The following RFESD variants were observed in gnomAD, a reference collection of about 807,000 sequenced individuals.
RFESD encodes the protein Rieske domain-containing protein.
A neutral mutation model predicts 24.4 loss-of-function variants in RFESD; 16 were observed. That is an observed-to-expected ratio of 0.66 (90% CI 0.44 to 1.00). RFESD has a LOEUF of 1.00. Ranked by LOEUF, RFESD falls within the 50% of genes least tolerant of loss-of-function variation. The pLI is 0.00. For missense variants in RFESD, 208 were observed against 247.0 expected (o/e 0.84, Z 1.06); for synonymous variants, 59 against 81.8 (o/e 0.72, Z 1.50).
At chr5:95,647,047 G>A (rs533018685) in intron 1 of RFESD, 6 of 152,450 alleles carry the variant, frequency 3.9e-5, no homozygotes, top group South Asian at 4.1e-4. Flanking sequence ...CCACACCTGA[G>A]ACCTGCCACC....
At chr5:95,652,995 A>C in intron 2 of RFESD, 122 bp from the exon 3 acceptor site, 1 of 1,342,374 alleles carries the variant, frequency 7.4e-7, no homozygotes, top group Non-Finnish European at 1.0e-6. Context: ...AAATCCATAC[A>C]CAGCACTGCA....
chr5:95,647,404 C>T (rs541867462), intron 1 of RFESD: 1 of 152,320 alleles, frequency 6.6e-6, no homozygotes, highest in Non-Finnish European at 1.5e-5. Context: ...TTTACCCACA[C>T]CCCTATGTGG....
intron 1 of RFESD, chr5:95,647,311 G>A (rs12516538): frequency 6.6e-6 from 1 of 152,276 alleles, no homozygotes; most frequent in Non-Finnish European, 1.5e-5. Flanking sequence ...ATGGACCTTA[G>A]AGGTGCCAGC....
chr5:95,651,815 A>G (rs1447608474), intron 1 of RFESD, among the ~76,000 whole-genome samples: 1 of 152,206 alleles, frequency 6.6e-6, no homozygotes, highest in Non-Finnish European at 1.5e-5. Flanking sequence ...ATATTTGGCC[A>G]AAAGGATATT....
intron 1 of RFESD, chr5:95,647,076 C>T (rs1427842632): frequency 6.6e-6 from 1 of 152,168 alleles, no homozygotes; most frequent in African/African-American, 2.4e-5. Flanking sequence ...GTACGCGGGT[C>T]GTTTTTAACA....
At chr5:95,646,987 T>G (rs1009186840) in intron 1 of RFESD, 170 bp downstream of exon 1, 4 of 152,380 alleles carry the variant, frequency 2.6e-5, no homozygotes, top group Non-Finnish European at 5.9e-5. Flanking sequence ...AAGGCGGGCT[T>G]CCGCCCAGGC....
chr5:95,654,356 G>A lies in RFESD; in HGVS notation c.358G>A (p.Gly120Arg), dbSNP rs1750587327. ...CYHSGGPLHL[G>R]DIEDFDGRPC... ...AGACTCAGGAGGACCTTTACATTTG[G>A]GAGATATAGAGGTATGTAAAATTAA... Residue 120 changes from glycine (G) to arginine (R), a missense_variant, in exon 5 of 6, where the codon GGA (glycine) becomes AGA (arginine). By Grantham distance (125) the Gly-to-Arg change is moderately radical. Transcript: ENST00000380005. The A allele has an allele frequency of 6.2e-7, 1 of 1,604,166 alleles. No individual in the cohort carries two copies. The highest frequency in any genetic ancestry group is 8.5e-7 in the Non-Finnish European group (1 of 1,173,278).
In RFESD at chr5:95,656,033, T is replaced by C; in HGVS notation, c.370-13T>C. ...ACATGTCAGAATATTAAATGAGTTA[T>C]TCTCTTCCCCAGGATTTTGATGGAC... On this transcript the variant is annotated splice_polypyrimidine_tract_variant and intron_variant, in intron 5 of 5. Coordinates refer to ENST00000380005, the MANE Select transcript of RFESD (RefSeq NM_001131066.2). The C allele has an allele frequency of 1.2e-6, 2 of 1,610,368 alleles. No individual in the cohort carries two copies. Among genetic ancestry groups the C allele is most frequent in the Middle Eastern group, 1.7e-4 (1 of 6,032 alleles).
Position 95,656,668 on chromosome 5 carries a change from A to G in RFESD, c.*359A>G. ...AAAAATTTAATTTTTAAAATAGGAA[A>G]AAATCCCTGTTTGATGTAGCAGACT... is the stretch of plus-strand genomic sequence containing the variant. On this transcript the variant is annotated 3_prime_UTR_variant, in exon 6 of 6. Transcript: ENST00000380005. The G allele has an allele frequency of 6.2e-6, 1 of 161,632 alleles. No homozygotes were observed. The highest frequency in any genetic ancestry group is 6.2e-5 in the Admixed American group (1 of 16,194). The allele number at this position is 161,632 out of a possible 1,614,324, so 10.0% of individuals were successfully genotyped here.
At chr5:95,652,378 T>A (rs1750393337) in intron 2 of RFESD, 47 bp downstream of exon 2, 1 of 1,541,660 alleles carries the variant, frequency 6.5e-7, no homozygotes, top group Non-Finnish European at 8.8e-7. Context: ...AGTTTTTCTC[T>A]CTAGAAATTC....
intron 2 of RFESD, chr5:95,652,809 C>G: frequency 2.9e-6 from 1 of 346,280 alleles, no homozygotes; most frequent in Non-Finnish European, 5.2e-6. Flanking sequence ...CAGCATCAAC[C>G]CCCTGCGGCA....
chr5:95,652,968 C>T (rs1044720278), intron 2 of RFESD, 149 bp from the exon 3 acceptor site: 2 of 1,078,000 alleles, frequency 1.9e-6, no homozygotes, highest in East Asian at 2.6e-5. Flanking sequence ...CAGTGGCTTT[C>T]CTTTGCTCTT....
chr5:95,655,962 C>G (rs2112525815), intron 5 of RFESD, 84 bp from the exon 6 acceptor site: 1 of 1,307,972 alleles, frequency 7.6e-7, no homozygotes, highest in South Asian at 1.4e-5. Flanking sequence ...TTTTTTTAAC[C>G]TGGTTCTTCT....
At chr5:95,647,787 TG>T (rs1426113623) in intron 1 of RFESD, 2 of 152,170 alleles carry the variant, frequency 1.3e-5, no homozygotes, top group African/African-American at 4.8e-5. Flanking sequence ...TATAAAAACG[TG>T]GGTGCTACCT....
chr5:95,647,245 C>T (rs2112487281), intron 1 of RFESD: 1 of 152,348 alleles, frequency 6.6e-6, no homozygotes, highest in South Asian at 2.1e-4. Context: ...TGCAGGCGGT[C>T]TTTACCGAAA....
Position 95,652,259 on chromosome 5 carries a change from A to C in RFESD, c.-13A>C, listed in dbSNP as rs764493606. 7 of 1,548,880 alleles carry C rather than the reference A, an allele frequency of 4.5e-6. No individual in the cohort carries two copies. Among genetic ancestry groups the C allele is most frequent in the Non-Finnish European group, 6.1e-6 (7 of 1,145,336 alleles). ...CTTGCCTCTCTACAACCTCTCTTCCACCTGACCTCTAAATGTTGAAGTGTT... is the reference window on the plus strand; with the variant it reads ...CTTGCCTCTCTACAACCTCTCTTCCCCCTGACCTCTAAATGTTGAAGTGTT... On this transcript the variant is annotated 5_prime_UTR_variant, in exon 2 of 6. Transcript: ENST00000380005.
At chr5:95,647,400 CA>C (rs1750151164) in intron 1 of RFESD, 1 of 152,182 alleles carries the variant, frequency 6.6e-6, no homozygotes, top group Non-Finnish European at 1.5e-5. Flanking sequence ...GTGCTTTACC[CA>C]CACCCCTATG....
intron 3 of RFESD, among the ~76,000 whole-genome samples, 193 bp downstream of exon 3, chr5:95,653,407 A>G (rs1469553934): frequency 6.6e-6 from 1 of 152,258 alleles, no homozygotes; most frequent in African/African-American, 2.4e-5. Flanking sequence ...AGATAACTGA[A>G]TGTTGTTTAG....
chr5:95,646,810 C>G lies in RFESD; in HGVS notation c.-143C>G, dbSNP rs1261943637. On this transcript the variant is annotated 5_prime_UTR_variant, in exon 1 of 6. Coordinates refer to ENST00000380005, the MANE Select transcript of RFESD (RefSeq NM_001131066.2). ...GTCACGCGGAGGCGGAGCGAGGACT[C>G]GGGGACAGTAAGTTCTGTTCTCGCC... 6.6e-6 allele frequency: 1 copy of G among 152,322 alleles called. No individual in the cohort carries two copies. Among genetic ancestry groups the G allele is most frequent in the Non-Finnish European group, 1.5e-5 (1 of 68,152 alleles). The allele number at this position is 152,322 out of a possible 1,614,324, so 9.4% of individuals were successfully genotyped here.
Sources: allele counts gnomAD v4.1 joint callset (sites outside exome capture counted in the v4.1 genomes callset), GRCh38; gene constraint gnomAD v4.1.1; transcripts MANE v1.5; gene names NCBI Gene and HGNC (gene_info 2026-07-23, HGNC 2026-07-21).